The following LRP1B variants were observed in gnomAD, a reference collection of about 807,000 sequenced individuals.
LRP1B encodes low-density lipoprotein receptor-related protein 1B.
Under a neutral mutation model 556.6 loss-of-function variants are expected in LRP1B, and 217 were observed. That is an observed-to-expected ratio of 0.39 (90% CI 0.35 to 0.44). The LOEUF is 0.44. LRP1B is among the 20% of genes least tolerant of loss of function. LRP1B has a pLI of 1.00. For missense variants in LRP1B, 5,053 were observed against 5,620.8 expected (o/e 0.90, Z 3.23); for synonymous variants, 2,047 against 1,865.8 (o/e 1.10, Z -2.50).
chr2:140,771,056 A>T (rs778264098), intron 33 of LRP1B, 50 bp from the exon 34 acceptor site: 4 of 1,403,100 alleles, frequency 2.9e-6, no homozygotes, highest in South Asian at 1.3e-5. Flanking sequence ...TTTTTAAAAA[A>T]TAAAGTTTTA....
chr2:140,704,631 C>T (rs1056643685), intron 37 of LRP1B, among the ~76,000 whole-genome samples: 3 of 151,968 alleles, frequency 2.0e-5, no homozygotes, highest in South Asian at 4.1e-4. Flanking sequence ...ATAACTAACT[C>T]GCAAATGAAA....
chr2:140,956,310 C>A (rs1488378217), intron 18 of LRP1B, among the ~76,000 whole-genome samples: 1 of 151,564 alleles, frequency 6.6e-6, no homozygotes, highest in African/African-American at 2.4e-5. Flanking sequence ...CTGATCAATG[C>A]CAAAATACAT....
intron 2 of LRP1B, among the ~76,000 whole-genome samples, chr2:141,576,867 A>G (rs7604481): frequency 6.8e-6 from 1 of 146,628 alleles, no homozygotes; most frequent in African/African-American, 2.5e-5. Context: ...TGTTTTGCCC[A>G]GGTTGTTTTC....
At chr2:140,902,263 A>G (rs1694126125) in intron 23 of LRP1B, among the ~76,000 whole-genome samples, 1 of 152,100 alleles carries the variant, frequency 6.6e-6, no homozygotes, top group South Asian at 2.1e-4. Context: ...TTAAACACCC[A>G]ATGGATGTGC....
At chr2:140,285,184 CATCTAT>C (rs570120494) in intron 84 of LRP1B, among the ~76,000 whole-genome samples, 111 of 149,498 alleles carry the variant, frequency 7.4e-4, no homozygotes, top group African/African-American at 2.6e-3. Context: ...TACATATCTA[CATCTAT>C]ATCTATATAT....
At chr2:141,993,482 T>C (rs1702400643) in intron 1 of LRP1B, among the ~76,000 whole-genome samples, 1 of 152,132 alleles carries the variant, frequency 6.6e-6, no homozygotes, top group Non-Finnish European at 1.5e-5. Flanking sequence ...TGGTAATGCC[T>C]ATCAGGAAAC....
intron 63 of LRP1B, 40 bp from the exon 64 acceptor site, chr2:140,444,719 A>AC (rs1210718025): frequency 1.7e-6 from 2 of 1,193,376 alleles, no homozygotes; most frequent in Non-Finnish European, 2.5e-6. Flanking sequence ...TGGTAATCTT[A>AC]CCTCACAACT....
At chr2:141,122,155 A>G (rs1298181968) in intron 7 of LRP1B, among the ~76,000 whole-genome samples, 3 of 152,186 alleles carry the variant, frequency 2.0e-5, no homozygotes, top group Non-Finnish European at 4.4e-5. Flanking sequence ...ACCCTAGACG[A>G]AAACCTAGGC....
intron 2 of LRP1B, among the ~76,000 whole-genome samples, chr2:141,483,878 A>T (rs1354966419): frequency 1.9e-4 from 29 of 149,558 alleles, no homozygotes; most frequent in African/African-American, 7.1e-4. Flanking sequence ...TTGTCAGATG[A>T]GTAGGTTGCA....
At chr2:140,674,364 T>A (rs1685595247) in intron 41 of LRP1B, among the ~76,000 whole-genome samples, 1 of 152,192 alleles carries the variant, frequency 6.6e-6, no homozygotes, top group Admixed American at 6.5e-5. Context: ...AAACACCTTT[T>A]AAAGGTCTGA....
At chr2:140,371,581 T>G (rs1435397785) in intron 69 of LRP1B, among the ~76,000 whole-genome samples, 1 of 151,140 alleles carries the variant, frequency 6.6e-6, no homozygotes, top group Non-Finnish European at 1.5e-5. Flanking sequence ...CTTGATATCC[T>G]TCATCCCTTT....
chr2:142,108,489 G>C (rs1001611498), intron 1 of LRP1B, among the ~76,000 whole-genome samples: 1 of 152,158 alleles, frequency 6.6e-6, no homozygotes, highest in African/African-American at 2.4e-5. Context: ...TCTCTCATGG[G>C]AAAAGAAAAG....
intron 66 of LRP1B, among the ~76,000 whole-genome samples, chr2:140,408,531 A>G (rs181747123): frequency 1.1e-4 from 16 of 151,948 alleles, no homozygotes; most frequent in African/African-American, 3.6e-4. Flanking sequence ...GGAGGGTAAG[A>G]AGTGCTAAAA....
At chr2:140,715,373 G>T (rs1687173418) in intron 37 of LRP1B, among the ~76,000 whole-genome samples, 1 of 152,044 alleles carries the variant, frequency 6.6e-6, no homozygotes, top group Non-Finnish European at 1.5e-5. Flanking sequence ...GTGTTGGATT[G>T]CTAATAGATT....
At chr2:141,681,737 G>A (rs1161371015) in intron 2 of LRP1B, among the ~76,000 whole-genome samples, 1 of 152,116 alleles carries the variant, frequency 6.6e-6, no homozygotes, top group Non-Finnish European at 1.5e-5. Flanking sequence ...TTCTAGTCCT[G>A]GCACTATCTA....
At chr2:140,398,885 C>T (rs2105224049) in intron 66 of LRP1B, among the ~76,000 whole-genome samples, 1 of 152,140 alleles carries the variant, frequency 6.6e-6, no homozygotes, top group African/African-American at 2.4e-5. Flanking sequence ...ATTTTTGTTT[C>T]AGTATTGCAG....
chr2:140,702,337 T>C (rs1686677857), intron 38 of LRP1B, 45 bp from the exon 39 acceptor site: 2 of 1,605,846 alleles, frequency 1.2e-6, no homozygotes, highest in African/African-American at 1.3e-5. Context: ...TATTTGATTG[T>C]TTTATTAAGA....
chr2:141,178,615 A>G (rs1680845945), intron 7 of LRP1B, among the ~76,000 whole-genome samples: 1 of 152,076 alleles, frequency 6.6e-6, no homozygotes, highest in Admixed American at 6.6e-5. Flanking sequence ...AGAAGAGAAG[A>G]TTTTGCAGAG....
intron 35 of LRP1B, among the ~76,000 whole-genome samples, chr2:140,748,301 CAT>C (rs1553521709): frequency 1.9e-4 from 21 of 110,934 alleles, no homozygotes; most frequent in Admixed American, 3.3e-4. Context: ...TATATATATT[CAT>C]ATATTATATT....
Sources: gnomAD v4.1 joint callset for allele counts (sites outside exome capture counted in the v4.1 genomes callset) on GRCh38, gnomAD v4.1.1 for gene constraint, MANE v1.5 for transcripts, NCBI Gene and HGNC (gene_info 2026-07-23, HGNC 2026-07-21) for gene names.